Variants in STX12 observed in about 807,000 individuals in gnomAD.
STX12 encodes syntaxin 12.
STX12 carries 17 observed loss-of-function variants against 42.2 expected under a neutral mutation model. The ratio of observed to expected loss-of-function variants is 0.40; its 90% confidence interval spans 0.28 to 0.60. The LOEUF (loss-of-function observed/expected upper bound fraction) is 0.60. Among genes scored for constraint, STX12 ranks in the 20% least tolerant of loss-of-function variants. The probability of loss-of-function intolerance (pLI) is 0.39; values close to 1 mark genes in which losing one functional copy is unlikely to be tolerated. For missense variants in STX12, 297 were observed against 330.9 expected (o/e 0.90, Z 0.79); for synonymous variants, 108 against 116.7 (o/e 0.93, Z 0.48).
At chr1:27,777,550 G>A (rs545239452) in intron 1 of STX12, among the ~76,000 whole-genome samples, 12 of 152,266 alleles carry the variant, frequency 7.9e-5, no homozygotes, top group Non-Finnish European at 1.3e-4. Flanking sequence ...CCCTTGTACT[G>A]TGTAGTACAT....
At chr1:27,803,584 A>C (rs2088840226) in intron 4 of STX12, among the ~76,000 whole-genome samples, 1 of 152,268 alleles carries the variant, frequency 6.6e-6, no homozygotes, top group Admixed American at 6.5e-5. Context: ...AAGTGATCTC[A>C]GATGGAAAGT....
At position 27,810,194 on chromosome 1, in the gene STX12, G is replaced by A. The variant is rs2088893579; in HGVS notation, c.427-52G>A. ...TGCTAAGGAAGCCCTTGTTTTGTGT[G>A]TCTGTGATGTGTTTCTGGATGACAG... On this transcript the variant is annotated intron_variant, in intron 4 of 8. Transcript: ENST00000373943. 3.2e-6 allele frequency: 5 copies of A among 1,569,086 alleles called. No homozygotes were observed. The African/African-American group carries it at 6.8e-5, about 21-fold the overall frequency.
intron 6 of STX12, among the ~76,000 whole-genome samples, chr1:27,812,653 C>G (rs900338511): frequency 9.9e-5 from 15 of 151,840 alleles, no homozygotes; most frequent in African/African-American, 3.6e-4. Context: ...GTTGGTCAGG[C>G]TGGTCTTGAA....
At position 27,824,101 on chromosome 1, in the gene STX12, C is replaced by A. The variant is rs2089005077; in HGVS notation, c.*1772C>A. The A allele has an allele frequency of 6.6e-6, 1 of 151,772 alleles. No homozygotes were observed. The highest frequency in any genetic ancestry group is 2.4e-5 in the African/African-American group (1 of 41,306). 9.4% of individuals were successfully genotyped at this position (151,772 alleles called of 1,614,324 possible). On this transcript the variant is annotated 3_prime_UTR_variant, in exon 9 of 9. Transcript: ENST00000373943. ...ATGATTTTTTAATTAAAAAAAAGAA[C>A]AACAGGATAGAGCTGTTGGGGTGGC...
intron 3 of STX12, among the ~76,000 whole-genome samples, chr1:27,800,934 T>G (rs1433930582): frequency 6.6e-6 from 1 of 152,228 alleles, no homozygotes; most frequent in Non-Finnish European, 1.5e-5. Flanking sequence ...TGTGAAATGC[T>G]TCTATAGTTT....
intron 5 of STX12, among the ~76,000 whole-genome samples, chr1:27,811,039 T>C (rs2088899534): frequency 6.6e-6 from 1 of 151,816 alleles, no homozygotes; most frequent in Non-Finnish European, 1.5e-5. Context: ...TAAAGAGGCG[T>C]TGGGGCATGG....
At chr1:27,814,185 A>C (rs958390395) in intron 6 of STX12, among the ~76,000 whole-genome samples, 1 of 152,190 alleles carries the variant, frequency 6.6e-6, no homozygotes, top group African/African-American at 2.4e-5. Flanking sequence ...CAAAAATGTC[A>C]TATCTTTACT....
chr1:27,786,849 T>C (rs2148598605), intron 1 of STX12, among the ~76,000 whole-genome samples: 1 of 152,368 alleles, frequency 6.6e-6, no homozygotes, highest in African/African-American at 2.4e-5. Flanking sequence ...ATTATTTTTA[T>C]GGCTGTCCAG....
Position 27,817,907 on chromosome 1 carries a change from C to T in STX12, c.633C>T (p.Asp211=), listed in dbSNP as rs775537256. The change falls in exon 7 of 9, where the codon GAC becomes GAT. Residue 211 remains aspartate, a synonymous_variant. Coordinates refer to ENST00000373943, the MANE Select transcript of STX12 (RefSeq NM_177424.3). ...IFKDLAMMIH[D]QGDLIDSIEA... Reference sequence around the variant, plus strand: ...AAGATTTGGCCATGATGATCCATGACCAGGGTGATCTGATTGGTATGTATT... The same window carrying T: ...AAGATTTGGCCATGATGATCCATGATCAGGGTGATCTGATTGGTATGTATT... 73 of 1,613,684 alleles carry T rather than the reference C, an allele frequency of 4.5e-5. 2 individuals carry two copies. In the South Asian group the frequency reaches 7.2e-4, roughly 16 times the overall value.
At chr1:27,793,898 A>G (rs1485693298) in intron 3 of STX12, among the ~76,000 whole-genome samples, 1 of 152,052 alleles carries the variant, frequency 6.6e-6, no homozygotes, top group African/African-American at 2.4e-5. Flanking sequence ...TTAATATATT[A>G]ATAAAATGGA....
intron 7 of STX12, among the ~76,000 whole-genome samples, chr1:27,819,270 TAAAAAAAAAAAA>T (rs1193228798): frequency 8.8e-6 from 1 of 114,276 alleles, no homozygotes; most frequent in Non-Finnish European, 1.8e-5. Context: ...TCCCGTCTCT[TAAAAAAAAAAAA>T]AAAAAAAAGG....
chr1:27,818,710 A>G (rs542342920), intron 7 of STX12, among the ~76,000 whole-genome samples: 7 of 151,502 alleles, frequency 4.6e-5, no homozygotes, highest in African/African-American at 1.7e-4. Context: ...GCTCACCACA[A>G]CCTCCGCCTC....
rs115279045 is a variant in STX12 at position 27,775,684 on chromosome 1, A to G, written c.118+2259A>G. On this transcript the variant is annotated intron_variant, in intron 1 of 8. Coordinates refer to ENST00000373943, the MANE Select transcript of STX12 (RefSeq NM_177424.3). ...TATAAAGTTGAAAGGGATTGGTGCT[A>G]TAGAAGACATATAAATAACATGCAG... 1.7e-3 allele frequency among the ~76,000 whole-genome samples: 263 copies of G among 152,350 alleles called. 1 individual carries two copies. The highest frequency in any genetic ancestry group is 5.9e-3 in the African/African-American group (246 of 41,592).
intron 3 of STX12, among the ~76,000 whole-genome samples, chr1:27,799,732 T>G (rs537626545): frequency 1.4e-4 from 21 of 152,156 alleles, no homozygotes; most frequent in African/African-American, 5.1e-4. Flanking sequence ...TCTGCCTGCC[T>G]CATCCTCCCA....
intron 7 of STX12, 23 bp downstream of exon 7, chr1:27,817,946 A>C (rs771639878): frequency 9.4e-6 from 15 of 1,592,794 alleles, no homozygotes; most frequent in Non-Finnish European, 1.3e-5. Context: ...GATACCTTTA[A>C]CCTCAAGGTG....
chr1:27,782,439 C>T (rs2088673751), intron 1 of STX12, among the ~76,000 whole-genome samples: 1 of 152,172 alleles, frequency 6.6e-6, no homozygotes, highest in Non-Finnish European at 1.5e-5. Context: ...TTAACCATTG[C>T]ATATTCTGAA....
In STX12 at chr1:27,793,507, C is replaced by T. The variant is rs746904328; in HGVS notation, c.189-26C>T. 9 of 1,599,736 alleles carry T rather than the reference C, an allele frequency of 5.6e-6. No homozygotes were observed. In the East Asian group the frequency reaches 1.6e-4, roughly 28 times the overall value. ...TAACCCTCTCAAGAAGTGACAACAT[C>T]CTGAAACATATCTTTTCTCTCTTAG... On this transcript the variant is annotated intron_variant, in intron 2 of 8. Transcript: ENST00000373943.
chr1:27,797,299 C>A (rs928699560), intron 3 of STX12, among the ~76,000 whole-genome samples: 1 of 152,186 alleles, frequency 6.6e-6, no homozygotes, highest in Non-Finnish European at 1.5e-5. Flanking sequence ...TCAAGTGATC[C>A]GCCTGCCTCG....
chr1:27,812,198 A>G lies in STX12; in HGVS notation c.506A>G (p.Asp169Gly), dbSNP rs1009134926. The change falls in exon 6 of 9, where the codon GAT becomes GGT. Residue 169 changes from aspartate to glycine, a missense_variant. By Grantham distance (94) the Asp-to-Gly change is moderately conservative. Coordinates refer to ENST00000373943, the MANE Select transcript of STX12 (RefSeq NM_177424.3). ...EEWNQMQSQE[D>G]EVAITEQDLE... ...TGGAACCAGATGCAGAGCCAGGAGG[A>G]TGAGGTGGCCATCACTGAGCAGGAT... The G allele has an allele frequency of 7.0e-6, 11 of 1,560,324 alleles. No individual in the cohort carries two copies. Among genetic ancestry groups the G allele is most frequent in the Non-Finnish European group, 9.6e-6 (11 of 1,151,414 alleles).
Sources: gnomAD v4.1 joint callset for allele counts (sites outside exome capture counted in the v4.1 genomes callset) on GRCh38, gnomAD v4.1.1 for gene constraint, MANE v1.5 for transcripts, NCBI Gene and HGNC (gene_info 2026-07-23, HGNC 2026-07-21) for gene names.